ESRRG: variants seen among roughly 807,000 people sequenced by gnomAD.
The protein encoded by ESRRG is estrogen-related receptor gamma.
Under a neutral mutation model 44.0 loss-of-function variants are expected in ESRRG, and 13 were observed. That is an observed-to-expected ratio of 0.30 (90% CI 0.19 to 0.47). ESRRG has a LOEUF of 0.47. Among genes scored for constraint, ESRRG ranks in the 20% least tolerant of loss-of-function variants. The probability of loss-of-function intolerance (pLI) is 1.00; values close to 1 mark genes in which losing one functional copy is unlikely to be tolerated. For synonymous variants in ESRRG, 215 were observed against 214.6 expected (o/e 1.00, Z -0.02); for missense variants, 395 against 580.6 (o/e 0.68, Z 3.29).
intron 1 of ESRRG, among the ~76,000 whole-genome samples, chr1:217,129,023 G>C (rs1445820980): frequency 6.6e-6 from 1 of 151,892 alleles, no homozygotes; most frequent in Non-Finnish European, 1.5e-5. Context: ...ATGAATAACA[G>C]AGCACTATCA....
At chr1:216,554,452 CAAA>C (rs34202751) in intron 5 of ESRRG, among the ~76,000 whole-genome samples, 7 of 140,560 alleles carry the variant, frequency 5.0e-5, no homozygotes, top group East Asian at 2.2e-4. Context: ...GACTCTGTCT[CAAA>C]AAAAAAAAAA....
chr1:216,942,129 A>G lies in ESRRG; in HGVS notation c.-105-2456T>C, dbSNP rs144248703. Among the ~76,000 whole-genome samples, 601 of 151,976 alleles carry G rather than the reference A, an allele frequency of 4.0e-3. 2 individuals carry two copies. Among genetic ancestry groups the G allele is most frequent in the African/African-American group, 0.014 (578 of 41,458 alleles). On this transcript the variant is annotated intron_variant, in intron 1 of 7. Transcript: ENST00000359162. ...TCTCATCTTTGTCTGTTTCTATCCA[A>G]TGTTTAGCTCTCAATTGTAAGTAAG... is the stretch of plus-strand genomic sequence containing the variant.
chr1:216,673,746 T>C (rs949126970), intron 2 of ESRRG, among the ~76,000 whole-genome samples: 2 of 152,222 alleles, frequency 1.3e-5, no homozygotes, highest in African/African-American at 2.4e-5. Flanking sequence ...TTTCACACTG[T>C]TATTCTATCT....
intron 2 of ESRRG, among the ~76,000 whole-genome samples, chr1:216,781,590 T>A (rs868308326): frequency 2.2e-4 from 33 of 152,132 alleles, no homozygotes; most frequent in African/African-American, 7.0e-4. Context: ...TATATCTTAG[T>A]GGACTAATTA....
intron 1 of ESRRG, among the ~76,000 whole-genome samples, chr1:216,944,046 A>G (rs1234345239): frequency 6.6e-6 from 1 of 152,196 alleles, no homozygotes. Flanking sequence ...AAGATTATGA[A>G]ATAGTTTTGA....
chr1:216,678,806 T>C (rs945146097), intron 1 of ESRRG, among the ~76,000 whole-genome samples: 2 of 152,184 alleles, frequency 1.3e-5, no homozygotes, highest in East Asian at 3.9e-4. Flanking sequence ...CTCTGGGTAA[T>C]GGTCATTCAC....
intron 2 of ESRRG, chr1:216,862,701 G>A (rs1258944256): frequency 6.6e-6 from 1 of 152,112 alleles, no homozygotes; most frequent in African/African-American, 2.4e-5. Context: ...TATCCATAGA[G>A]GCAAAAAGCA....
chr1:216,729,685 T>C (rs1341570587), intron 2 of ESRRG, among the ~76,000 whole-genome samples: 3 of 152,162 alleles, frequency 2.0e-5, no homozygotes. Context: ...GAGAATTCAA[T>C]TGTACATTGT....
chr1:216,510,072 A>G (rs576427924), intron 6 of ESRRG, among the ~76,000 whole-genome samples: 2 of 152,182 alleles, frequency 1.3e-5, no homozygotes, highest in African/African-American at 4.8e-5. Flanking sequence ...GCTAAACTTA[A>G]TGGATATCAT....
intron 2 of ESRRG, among the ~76,000 whole-genome samples, chr1:216,775,942 C>T (rs76320669): frequency 1.3e-3 from 199 of 152,034 alleles, no homozygotes; most frequent in African/African-American, 4.6e-3. Flanking sequence ...TGAAGCTACT[C>T]TTTCCTCTCA....
intron 1 of ESRRG, among the ~76,000 whole-genome samples, chr1:217,074,977 C>T (rs2091093499): frequency 1.3e-5 from 2 of 152,118 alleles, no homozygotes; most frequent in Non-Finnish European, 2.9e-5. Context: ...AGTCATCTCT[C>T]AGTATCCTTG....
rs58458686 is a variant in ESRRG at position 216,589,903 on chromosome 1, C to CAA, written c.590-21807_590-21806dup. ...TGGGCAACAGGGTGAAACTCTGTCT[C>CAA]AAAAAAAAAAAAAAAAAAAAAAAGA... On this transcript the variant is annotated intron_variant, in intron 3 of 6. Coordinates refer to ENST00000408911, the MANE Select transcript of ESRRG (RefSeq NM_001438.4). Among the ~76,000 whole-genome samples, 159 of 31,986 alleles carry CAA rather than the reference C, an allele frequency of 5.0e-3. 3 individuals are homozygous for CAA. Among genetic ancestry groups the CAA allele is most frequent in the East Asian group, 0.013 (13 of 978 alleles). The allele number at this position is 31,986 out of a possible 152,430, so 21.0% of individuals were successfully genotyped here. A position where few individuals can be genotyped will look rare whatever the true frequency, so the allele number is the denominator to read the frequency against.
chr1:216,801,687 T>C (rs1321915443), intron 2 of ESRRG, among the ~76,000 whole-genome samples: 1 of 152,164 alleles, frequency 6.6e-6, no homozygotes, highest in Admixed American at 6.6e-5. Flanking sequence ...TCCCTAATGA[T>C]TAGTGACGTT....
At chr1:216,751,123 A>G (rs1036036174) in intron 2 of ESRRG, among the ~76,000 whole-genome samples, 31 of 152,266 alleles carry the variant, frequency 2.0e-4, no homozygotes, top group Admixed American at 4.6e-4. Context: ...CAGATTGAAA[A>G]TGTACCCAAC....
intron 1 of ESRRG, among the ~76,000 whole-genome samples, chr1:216,706,263 G>C (rs554266281): frequency 1.3e-5 from 2 of 151,772 alleles, no homozygotes; most frequent in African/African-American, 4.8e-5. Context: ...TATGGCGGGG[G>C]TGGGGGGCTG....
chr1:216,731,419 C>T (rs575119103), intron 2 of ESRRG, among the ~76,000 whole-genome samples: 7 of 152,232 alleles, frequency 4.6e-5, no homozygotes. Context: ...ACTTTTAGGC[C>T]GCTGTTTACC....
intron 1 of ESRRG, among the ~76,000 whole-genome samples, chr1:216,969,541 G>T (rs963800106): frequency 8.5e-5 from 13 of 152,166 alleles, no homozygotes; most frequent in African/African-American, 3.1e-4. Context: ...TTGACTGACT[G>T]ATGTTTTAGG....
At position 216,912,183 on chromosome 1, in the gene ESRRG, A is replaced by AAGAAAAGAAAAGAAG. The variant is rs1560083326; in HGVS notation, c.-14+27398_-14+27399insCTTCTTTTCTTTTCT. ...AAGAAAAGAAAAGAAAAGAAAAGAAAAGGAGAGGAGAGGAGAGGAGAGGAG... is the reference window on the plus strand; with the variant it reads ...AAGAAAAGAAAAGAAAAGAAAAGAAAAGAAAAGAAAAGAAGAGGAGAGGAGAGGAGAGGAGAGGAG... On this transcript the variant is annotated intron_variant, in intron 2 of 7. Coordinates refer to the ESRRG transcript ENST00000359162. Among the ~76,000 whole-genome samples, 22 of 21,152 alleles carry AAGAAAAGAAAAGAAG rather than the reference A, an allele frequency of 1.0e-3. 3 individuals carry two copies. The highest frequency in any genetic ancestry group is 2.5e-3 in the Admixed American group (4 of 1,608). The allele number at this position is 21,152 out of a possible 152,430, so 13.9% of individuals were successfully genotyped here. A position where few individuals can be genotyped will look rare whatever the true frequency, so the allele number is the denominator to read the frequency against.
At chr1:216,821,820 A>C (rs12733125) in intron 2 of ESRRG, among the ~76,000 whole-genome samples, 83,688 of 150,078 alleles carry the variant, frequency 0.56, 23,952 homozygotes, top group Non-Finnish European at 0.62. Flanking sequence ...CCTAATGCCT[A>C]TCTCACTTGT....
Sources: gnomAD v4.1 joint callset for allele counts (sites outside exome capture counted in the v4.1 genomes callset) on GRCh38, gnomAD v4.1.1 for gene constraint, MANE v1.5 for transcripts, NCBI Gene and HGNC (gene_info 2026-07-23, HGNC 2026-07-21) for gene names.